SLCO1A2: variants seen among roughly 807,000 people sequenced by gnomAD.
The protein encoded by SLCO1A2 is solute carrier organic anion transporter family member 1A2.
SLCO1A2 carries 67 observed loss-of-function variants against 69.0 expected under a neutral mutation model. The ratio of observed to expected loss-of-function variants is 0.97; its 90% CI spans 0.80 to 1.19. SLCO1A2 has a LOEUF of 1.19. Among genes scored for constraint, SLCO1A2 ranks in the 50% most tolerant of loss-of-function variants. The pLI, the probability that SLCO1A2 is intolerant of heterozygous loss-of-function variation, is 0.00. For missense variants in SLCO1A2, 787 were observed against 793.7 expected, an observed-to-expected ratio of 0.99 and a Z score of 0.10; for synonymous variants, 260 against 265.9, an observed-to-expected ratio of 0.98 and a Z score of 0.22.
chr12:21,295,331 A>G (rs1456142001), intron 10 of SLCO1A2: 1 of 321,458 alleles, frequency 3.1e-6, no homozygotes, highest in Non-Finnish European at 5.7e-6. Flanking sequence ...GTCTACTCGG[A>G]TATCACAAAG....
chr12:21,275,291 A>G (rs1276890677), intron 13 of SLCO1A2, 69 bp downstream of exon 13: 1 of 1,356,372 alleles, frequency 7.4e-7, no homozygotes, highest in South Asian at 1.5e-5. Flanking sequence ...CCTAAAACTT[A>G]AAGTGTAATA....
At chr12:21,307,059 G>T in intron 4 of SLCO1A2, 71 bp from the exon 5 acceptor site, 1 of 1,017,250 alleles carries the variant, frequency 9.8e-7, no homozygotes. Context: ...TGTGCAGATT[G>T]TTACCTTCTG....
intron 13 of SLCO1A2, chr12:21,274,932 AG>A: frequency 9.5e-7 from 1 of 1,050,428 alleles, no homozygotes; most frequent in Non-Finnish European, 1.1e-6. Flanking sequence ...CTTCAAACAA[AG>A]AATAGTGTAA....
chr12:21,401,245 TA>T (rs1229214585), intron 1 of SLCO1A2, among the ~76,000 whole-genome samples: 1 of 151,780 alleles, frequency 6.6e-6, no homozygotes, highest in Non-Finnish European at 1.5e-5. Context: ...ATATTGTAAT[TA>T]ATAAAAGAAT....
chr12:21,372,593 C>T (rs1433341523), intron 2 of SLCO1A2, among the ~76,000 whole-genome samples: 1 of 152,098 alleles, frequency 6.6e-6, no homozygotes, highest in African/African-American at 2.4e-5. Context: ...TTATCCTTAC[C>T]CTTTTCTATC....
intron 1 of SLCO1A2, among the ~76,000 whole-genome samples, chr12:21,402,659 T>C (rs138318333): frequency 7.2e-5 from 11 of 152,218 alleles, no homozygotes; most frequent in Non-Finnish European, 1.5e-4. Context: ...GATTTAGATA[T>C]ACATGCTGAC....
intron 2 of SLCO1A2, among the ~76,000 whole-genome samples, chr12:21,330,278 A>G (rs1364829564): frequency 6.6e-6 from 1 of 152,128 alleles, no homozygotes; most frequent in African/African-American, 2.4e-5. Context: ...AGATCATTTT[A>G]GTCTAGGTGT....
At chr12:21,413,391 G>A (rs1341110079) in intron 1 of SLCO1A2, among the ~76,000 whole-genome samples, 3 of 151,380 alleles carry the variant, frequency 2.0e-5, no homozygotes, top group Non-Finnish European at 3.0e-5. Context: ...ACAGGCGCGC[G>A]CCACCATGCC....
intron 14 of SLCO1A2, 45 bp downstream of exon 14, chr12:21,274,424 C>T (rs749557589): frequency 1.6e-6 from 2 of 1,266,886 alleles, no homozygotes; most frequent in Admixed American, 3.4e-5. Context: ...GCGTTATGCA[C>T]AGTCTATGCT....
Position 21,313,846 on chromosome 12 carries a change from C to T in SLCO1A2, c.335+703G>A, listed in dbSNP as rs554399100. Among the ~76,000 whole-genome samples, 319 of 151,876 alleles carry T rather than the reference C, an allele frequency of 2.1e-3. 1 individual carries two copies. Among genetic ancestry groups the T allele is most frequent in the Admixed American group, 5.5e-3 (84 of 15,262 alleles). On this transcript the variant is annotated intron_variant, in intron 4 of 14. Transcript: ENST00000683939. ...TTAGCCAGGCATGGTACCTGTAGTC[C>T]CAGCTACTCAGGAGGCTTGAGACAG...
At chr12:21,378,153 C>T in intron 1 of SLCO1A2, 1 of 1,247,714 alleles carries the variant, frequency 8.0e-7, no homozygotes, top group Non-Finnish European at 1.2e-6. Context: ...TGGTTTTCAT[C>T]AATACAAGAT....
At chr12:21,280,234 C>T (rs767192364) in intron 12 of SLCO1A2, among the ~76,000 whole-genome samples, 24 of 151,762 alleles carry the variant, frequency 1.6e-4, no homozygotes, top group Non-Finnish European at 2.8e-4. Context: ...ACCTTTCTTA[C>T]GAATAAGATT....
chr12:21,377,724 A>G (rs1241282869), intron 1 of SLCO1A2, among the ~76,000 whole-genome samples: 1 of 152,198 alleles, frequency 6.6e-6, no homozygotes, highest in African/African-American at 2.4e-5. Flanking sequence ...CGTGTGTTGC[A>G]TATTGCAGAA....
intron 1 of SLCO1A2, among the ~76,000 whole-genome samples, chr12:21,413,777 G>C (rs934034522): frequency 6.6e-6 from 1 of 151,996 alleles, no homozygotes; most frequent in Non-Finnish European, 1.5e-5. Flanking sequence ...GACCCATCTC[G>C]GGTCGACAAT....
chr12:21,379,300 C>A (rs768431270), intron 1 of SLCO1A2: 1 of 152,194 alleles, frequency 6.6e-6, no homozygotes, highest in Non-Finnish European at 1.5e-5. Context: ...AAGTATAAAA[C>A]TGCTTTGTAT....
At chr12:21,286,368 ACAAATGGAAGAACATT>A (rs1348865981) in intron 12 of SLCO1A2, among the ~76,000 whole-genome samples, 1 of 141,542 alleles carries the variant, frequency 7.1e-6, no homozygotes, top group Admixed American at 7.4e-5. Flanking sequence ...GAGGATACAA[ACAAATGGAAGAACATT>A]CCATGCTCAT....
intron 12 of SLCO1A2, among the ~76,000 whole-genome samples, chr12:21,284,252 G>A (rs1245681083): frequency 6.6e-6 from 1 of 152,104 alleles, no homozygotes; most frequent in African/African-American, 2.4e-5. Context: ...AAAAGAATGA[G>A]GGGGAGGAGC....
At chr12:21,307,081 A>G (rs1194477632) in intron 4 of SLCO1A2, 93 bp from the exon 5 acceptor site, 1 of 781,134 alleles carries the variant, frequency 1.3e-6, no homozygotes, top group African/African-American at 1.7e-5. Flanking sequence ...TTCCCATACA[A>G]CACAATATCC....
intron 2 of SLCO1A2, among the ~76,000 whole-genome samples, chr12:21,357,507 G>A (rs1277758852): frequency 6.6e-6 from 1 of 152,178 alleles, no homozygotes; most frequent in Non-Finnish European, 1.5e-5. Flanking sequence ...GCCACATGGT[G>A]TTGCAGCACT....
Sources: gnomAD v4.1 joint callset for allele counts (sites outside exome capture counted in the v4.1 genomes callset) on GRCh38, gnomAD v4.1.1 for gene constraint, MANE v1.5 for transcripts, NCBI Gene and HGNC (gene_info 2026-07-23, HGNC 2026-07-21) for gene names.